CFAP46: variants seen among roughly 807,000 people sequenced by gnomAD.
The protein encoded by CFAP46 is cilia and flagella associated protein 46.
In CFAP46, 245 loss-of-function variants were observed where a neutral mutation model predicts 325.7. The observed-to-expected ratio is 0.75, with a 90% confidence interval of 0.68 to 0.84. The LOEUF is 0.84. CFAP46 is among the 40% of genes least tolerant of loss of function. The pLI is 0.00. For synonymous variants in CFAP46, 1,523 were observed against 1,495.9 expected (o/e 1.02, Z -0.42); for missense variants, 3,346 against 3,543.0 (o/e 0.94, Z 1.41).
At chr10:132,844,356 C>T (rs1427317966) in intron 44 of CFAP46, among the ~76,000 whole-genome samples, 2 of 152,132 alleles carry the variant, frequency 1.3e-5, no homozygotes, top group South Asian at 2.1e-4. Context: ...CCAGGATGGA[C>T]GGTGAGGGTT....
chr10:132,824,044 A>G (rs1174491181), intron 50 of CFAP46, among the ~76,000 whole-genome samples: 2 of 70,950 alleles, frequency 2.8e-5, no homozygotes, highest in African/African-American at 1.2e-4. Context: ...ATGTGTGCTG[A>G]TGTGTGCTGT....
intron 31 of CFAP46, among the ~76,000 whole-genome samples, chr10:132,873,820 G>A (rs1048046869): frequency 1.3e-5 from 2 of 152,024 alleles, no homozygotes; most frequent in Non-Finnish European, 2.9e-5. Flanking sequence ...GGCTCTACAG[G>A]TCCCACAGGC....
intron 8 of CFAP46, among the ~76,000 whole-genome samples, chr10:132,934,203 C>T (rs1849956182): frequency 6.6e-6 from 1 of 152,206 alleles, no homozygotes; most frequent in African/African-American, 2.4e-5. Context: ...TAAAAATATA[C>T]ACAGTGCTAC....
chr10:132,917,131 G>A (rs186754132), intron 16 of CFAP46, among the ~76,000 whole-genome samples: 30 of 152,366 alleles, frequency 2.0e-4, no homozygotes, highest in Admixed American at 1.5e-3. Context: ...TGTGGCCTCC[G>A]GCTCCCTGAG....
intron 34 of CFAP46, among the ~76,000 whole-genome samples, chr10:132,866,575 G>A (rs549837707): frequency 2.3e-4 from 35 of 152,274 alleles, no homozygotes; most frequent in Non-Finnish European, 4.1e-4. Flanking sequence ...TTGCTAGGGC[G>A]CCCCGGGTGT....
chr10:132,941,630 G>A lies in CFAP46; in HGVS notation c.267C>T (p.Cys89=). 1 of 1,614,040 alleles carries A rather than the reference G, an allele frequency of 6.2e-7. No homozygotes were observed. The highest frequency in any genetic ancestry group is 1.1e-5 in the South Asian group (1 of 91,088). ...ACTTCGGGGCACACATCTGGGCCCT[G>A]CACAGGTGCGCTCGGCCCAGAAACT... ...ITQFLGRAHL[C]RAQMCAPKSA... is the part of the protein sequence containing the mutation. Residue 89 remains cysteine (C), a synonymous_variant, in exon 3 of 58, where the codon TGC becomes TGT. Coordinates refer to ENST00000368586, the MANE Select transcript of CFAP46 (RefSeq NM_001200049.3).
intron 17 of CFAP46, among the ~76,000 whole-genome samples, chr10:132,915,352 C>A (rs1015545525): frequency 1.3e-5 from 2 of 152,222 alleles, no homozygotes; most frequent in African/African-American, 2.4e-5. Flanking sequence ...GGCCTGGGCC[C>A]GGTGGCTCCT....
chr10:132,851,067 A>T (rs1345078931), intron 40 of CFAP46, 50 bp downstream of exon 40: 1 of 1,606,142 alleles, frequency 6.2e-7, no homozygotes, highest in South Asian at 1.1e-5. Flanking sequence ...CATCAGCTGC[A>T]CTGTGGCCTG....
In CFAP46 at chr10:132,922,674, C is replaced by T. The variant is rs1364111719; in HGVS notation, c.1291G>A (p.Glu431Lys). 1.9e-6 allele frequency: 3 copies of T among 1,549,742 alleles called. No individual in the cohort carries two copies. Among genetic ancestry groups the T allele is most frequent in the Non-Finnish European group, 2.6e-6 (3 of 1,146,662 alleles). Residue 431 changes from glutamate to lysine, a missense_variant, in exon 12 of 58, where the codon GAG (glutamate) becomes AAG (lysine). Glu to Lys is a moderately conservative substitution (Grantham distance 56, BLOSUM62 1). Coordinates refer to ENST00000368586, the MANE Select transcript of CFAP46 (RefSeq NM_001200049.3). The part of the protein sequence containing the change: ...MTLLRCQVHM[E>K]MAQIEEDEDR... ...TCGTCCTCCTCGATCTGCGCCATCT[C>T]CATGTGCACTTGACAGCGGAGAAGC...
At chr10:132,938,515 A>G in intron 5 of CFAP46, 74 bp downstream of exon 5, 1 of 1,393,954 alleles carries the variant, frequency 7.2e-7, no homozygotes. Context: ...CCCCCCCCGG[A>G]GAAGGGGTGG....
intron 25 of CFAP46, among the ~76,000 whole-genome samples, chr10:132,888,824 GCACCTGCCACCTT>G (rs1280437736): frequency 5.9e-5 from 3 of 50,558 alleles, no homozygotes; most frequent in South Asian, 9.4e-4. Context: ...CCTGCCGCCT[GCACCTGCCACCTT>G]CACCCCTGCC....
chr10:132,820,091 T>G (rs1203993613), intron 50 of CFAP46, among the ~76,000 whole-genome samples: 4 of 150,956 alleles, frequency 2.6e-5, no homozygotes, highest in African/African-American at 9.9e-5. Context: ...TGAAGGGACA[T>G]TTCTCTAAAG....
At chr10:132,858,494 C>T (rs2135210235) in intron 38 of CFAP46, among the ~76,000 whole-genome samples, 1 of 151,780 alleles carries the variant, frequency 6.6e-6, no homozygotes, top group East Asian at 2.0e-4. Flanking sequence ...GGAGGCTTTG[C>T]CAGGGTGGGA....
chr10:132,866,066 G>T lies in CFAP46; in HGVS notation c.4849C>A (p.Pro1617Thr), dbSNP rs1848808812. 6.5e-7 allele frequency: 1 copy of T among 1,545,172 alleles called. No homozygotes were observed. The highest frequency in any genetic ancestry group is 1.4e-5 in the African/African-American group (1 of 72,892). ...GCCTCCGACAGGAGCAGCCGTGCAG[G>T]CTGGTACAGGTTCATCTCCAGCAGA... Reference protein sequence around the residue: ...EVLLEMNLYQPARLLLSEAYL... With the variant: ...EVLLEMNLYQTARLLLSEAYL... Residue 1617 changes from proline to threonine, a missense_variant, in exon 35 of 58, where the codon CCT becomes ACT. Transcript: ENST00000368586.
chr10:132,834,327 C>T (rs926720987), intron 48 of CFAP46, among the ~76,000 whole-genome samples: 2 of 152,210 alleles, frequency 1.3e-5, no homozygotes, highest in South Asian at 2.1e-4. Context: ...CCAAGCTAAA[C>T]GGTGCCAGGT....
In CFAP46 at chr10:132,860,782, C is replaced by A. The variant is rs78376398; in HGVS notation, c.5091G>T (p.Thr1697=). The A allele has an allele frequency of 1.3e-6, 2 of 1,550,736 alleles. No homozygotes were observed. Among genetic ancestry groups the A allele is most frequent in the Middle Eastern group, 1.7e-4 (1 of 5,862 alleles). ...AGCCCCAGGTCCCCGTGCCTCTTAC[C>A]GTAGCTTCCCTTCCTGAGTGTTCCA... The part of the protein sequence containing the change: ...LSMEHSGREA[T]VCHIFQKLIN... The change falls in exon 36 of 58, where the codon ACG becomes ACT. Residue 1697 remains threonine (T), a splice_region_variant and synonymous_variant. Coordinates refer to ENST00000368586, the MANE Select transcript of CFAP46 (RefSeq NM_001200049.3).
rs541022653 is a variant in CFAP46, at chr10:132,835,408, T to G, written c.6640A>C (p.Ile2214Leu). 94 of 1,613,520 alleles carry G rather than the reference T, an allele frequency of 5.8e-5. 1 individual carries two copies. In the East Asian group the frequency reaches 2.1e-3, roughly 35 times the overall value. Residue 2214 changes from isoleucine to leucine, a missense_variant, in exon 47 of 58, where the codon ATA becomes CTA. By Grantham distance (5) the Ile-to-Leu change is conservative. Coordinates refer to ENST00000368586, the MANE Select transcript of CFAP46 (RefSeq NM_001200049.3). ...AGGTGGGAGAAGGCAGTGGGACTTA[T>G]GGCCAGACGCATCACCTTGCAGGAG... is the stretch of plus-strand genomic sequence containing the variant. ...GGSCKVMRLA[I>L]SPTAFSHLLA... is the part of the protein sequence containing the mutation.
chr10:132,842,171 C>G (rs528733177), intron 44 of CFAP46, among the ~76,000 whole-genome samples: 3 of 152,328 alleles, frequency 2.0e-5, no homozygotes, highest in African/African-American at 7.2e-5. Context: ...GAAGTAGCCA[C>G]GCAGCAGCCT....
intron 40 of CFAP46, among the ~76,000 whole-genome samples, chr10:132,850,715 C>G (rs900788902): frequency 3.3e-5 from 5 of 152,162 alleles, no homozygotes; most frequent in African/African-American, 1.2e-4. Context: ...TTCATGAAGT[C>G]TCAGAAAACT....
Sources: gnomAD v4.1 joint callset for allele counts (sites outside exome capture counted in the v4.1 genomes callset) on GRCh38, gnomAD v4.1.1 for gene constraint, MANE v1.5 for transcripts, NCBI Gene and HGNC (gene_info 2026-07-23, HGNC 2026-07-21) for gene names.